Variants in MBNL2 observed in about 807,000 individuals in gnomAD.
MBNL2 encodes muscleblind like splicing regulator 2, also known as muscleblind-like protein 2.
MBNL2 carries 17 observed loss-of-function variants against 41.9 expected under a neutral mutation model. The ratio of observed to expected loss-of-function variants is 0.41; its 90% CI spans 0.28 to 0.61. The LOEUF (loss-of-function observed/expected upper bound fraction) is 0.61, where lower values mean the gene tolerates loss of function less well. Ranked by LOEUF, MBNL2 falls within the 20% of genes least tolerant of loss-of-function variation. MBNL2 has a pLI of 0.35. For missense variants in MBNL2, 336 were observed against 505.6 expected (o/e 0.66, Z 3.22); for synonymous variants, 195 against 182.9 (o/e 1.07, Z -0.53).
At chr13:97,181,810 T>G in the MBNL2 span, among the ~76,000 whole-genome samples, 1 of 152,198 alleles carries the variant, frequency 6.6e-6, no homozygotes, top group Non-Finnish European at 1.5e-5. Context: ...AAAGCCACCA[T>G]GAAGATGATG....
At chr13:97,289,345 A>G (rs1046708831) in intron 2 of MBNL2, among the ~76,000 whole-genome samples, 2 of 152,208 alleles carry the variant, frequency 1.3e-5, no homozygotes, top group African/African-American at 4.8e-5. Flanking sequence ...TGACACTAAA[A>G]TAATCATTTG....
At chr13:97,266,745 A>C (rs2049899697) in intron 1 of MBNL2, among the ~76,000 whole-genome samples, 1 of 152,074 alleles carries the variant, frequency 6.6e-6, no homozygotes, top group Admixed American at 6.5e-5. Context: ...AGAATTTAAA[A>C]ATTAAAAATA....
the MBNL2 span, among the ~76,000 whole-genome samples, chr13:97,187,114 A>G: frequency 6.6e-6 from 1 of 152,318 alleles, no homozygotes; most frequent in South Asian, 2.1e-4. Context: ...TTACTAACAG[A>G]TGAGTACTTA....
At chr13:97,180,619 G>A in the MBNL2 span, among the ~76,000 whole-genome samples, 1 of 151,572 alleles carries the variant, frequency 6.6e-6, no homozygotes, top group Admixed American at 6.6e-5. Context: ...GTGCACGCCT[G>A]TAGTCCCAGC....
intron 1 of MBNL2, among the ~76,000 whole-genome samples, chr13:97,241,000 G>A (rs892991225): frequency 2.0e-5 from 3 of 152,156 alleles, no homozygotes; most frequent in Non-Finnish European, 2.9e-5. Flanking sequence ...ATGACTGACT[G>A]ACTGAATGAA....
intron 1 of MBNL2, among the ~76,000 whole-genome samples, chr13:97,238,719 A>ATG (rs1456557911): frequency 2.0e-5 from 3 of 152,058 alleles, no homozygotes; most frequent in African/African-American, 7.2e-5. Context: ...CAAAGGGGAG[A>ATG]TGGCGGTGAG....
At chr13:97,338,291 C>T (rs964067383) in intron 3 of MBNL2, among the ~76,000 whole-genome samples, 2 of 152,196 alleles carry the variant, frequency 1.3e-5, no homozygotes, top group African/African-American at 2.4e-5. Context: ...TAACTCACCT[C>T]ATTCATAAGG....
At chr13:97,304,077 G>A (rs1464344702) in intron 2 of MBNL2, among the ~76,000 whole-genome samples, 3 of 152,174 alleles carry the variant, frequency 2.0e-5, no homozygotes, top group Admixed American at 1.3e-4. Context: ...AGAGTCCATC[G>A]TATGACTTGA....
At chr13:97,303,288 C>G (rs1360811948) in intron 2 of MBNL2, among the ~76,000 whole-genome samples, 1 of 152,110 alleles carries the variant, frequency 6.6e-6, no homozygotes. Flanking sequence ...GCAGAAGTCA[C>G]AAGGCAAATA....
the MBNL2 span, among the ~76,000 whole-genome samples, chr13:97,182,733 A>G: frequency 1.3e-5 from 2 of 152,208 alleles, no homozygotes; most frequent in Non-Finnish European, 2.9e-5. Context: ...GGCAACAATC[A>G]AGAAGAGGTT....
intron 1 of MBNL2, among the ~76,000 whole-genome samples, chr13:97,239,450 G>T (rs558060917): frequency 1.3e-5 from 2 of 152,284 alleles, no homozygotes; most frequent in South Asian, 2.1e-4. Context: ...ATAATTATTA[G>T]CTATGAGTCA....
At chr13:97,379,030 C>A (rs537181666) in intron 8 of MBNL2, among the ~76,000 whole-genome samples, 1 of 152,296 alleles carries the variant, frequency 6.6e-6, no homozygotes, top group South Asian at 2.1e-4. Context: ...TGTGAACCCA[C>A]CTTGTTTGAA....
intron 2 of MBNL2, among the ~76,000 whole-genome samples, chr13:97,325,116 AT>A (rs1350872358): frequency 6.6e-6 from 1 of 152,210 alleles, no homozygotes; most frequent in African/African-American, 2.4e-5. Flanking sequence ...TTGATATATG[AT>A]TATGGTCCAC....
the MBNL2 span, among the ~76,000 whole-genome samples, chr13:97,161,629 T>C: frequency 4.9e-4 from 74 of 152,302 alleles, no homozygotes; most frequent in African/African-American, 1.6e-3. Flanking sequence ...AAGCATCACC[T>C]TGGAAGTGTC....
intron 1 of MBNL2, among the ~76,000 whole-genome samples, chr13:97,258,935 T>G (rs1690410406): frequency 6.6e-6 from 1 of 152,198 alleles, no homozygotes; most frequent in Admixed American, 6.5e-5. Context: ...GAGGAAGGCC[T>G]GCTCTCTCTG....
At chr13:97,179,139 C>T in the MBNL2 span, among the ~76,000 whole-genome samples, 1 of 152,146 alleles carries the variant, frequency 6.6e-6, no homozygotes, top group Non-Finnish European at 1.5e-5. Flanking sequence ...ACAAGCAACG[C>T]CTCCCTTAAC....
chr13:97,301,584 G>T (rs908635375), intron 2 of MBNL2, among the ~76,000 whole-genome samples: 1 of 152,164 alleles, frequency 6.6e-6, no homozygotes, highest in Admixed American at 6.5e-5. Flanking sequence ...TTTAGGTTGA[G>T]GTCACCCTGG....
upstream of MBNL2, chr13:97,222,196 T>G (rs893126189): frequency 3.1e-5 from 12 of 386,222 alleles, no homozygotes; most frequent in Non-Finnish European, 5.5e-5. Context: ...ACACTGCAAG[T>G]GCTGTGTTAC....
At chr13:97,177,060 A>G in the MBNL2 span, among the ~76,000 whole-genome samples, 12 of 152,214 alleles carry the variant, frequency 7.9e-5, no homozygotes, top group Admixed American at 5.9e-4. Context: ...CACTTTGGCC[A>G]GGTGTGATGG....
Sources: allele counts gnomAD v4.1 joint callset (sites outside exome capture counted in the v4.1 genomes callset), GRCh38; gene constraint gnomAD v4.1.1; transcripts MANE v1.5; gene names NCBI Gene and HGNC (gene_info 2026-07-23, HGNC 2026-07-21).